The following SLCO1B3 variants were observed in gnomAD, a reference collection of about 807,000 sequenced individuals.
SLCO1B3 encodes liver-specific organic anion transporter 2.
SLCO1B3 carries 72 observed loss-of-function variants against 71.8 expected under a neutral mutation model. The ratio of observed to expected loss-of-function variants is 1.00; its 90% CI spans 0.83 to 1.22. The LOEUF (loss-of-function observed/expected upper bound fraction) is 1.22, where lower values mean the gene tolerates loss of function less well. SLCO1B3 is among the 50% of genes most tolerant of loss of function. The pLI is 0.00. For synonymous variants in SLCO1B3, 298 were observed against 278.4 expected (o/e 1.07, Z -0.70); for missense variants, 911 against 819.7 (o/e 1.11, Z -1.36).
At chr12:20,889,019 C>T (rs1016156506) in intron 13 of SLCO1B3, among the ~76,000 whole-genome samples, 128 of 150,044 alleles carry the variant, frequency 8.5e-4, no homozygotes, top group African/African-American at 3.0e-3. Flanking sequence ...GTTGAACCAT[C>T]CTTGCATTTC....
At chr12:20,880,457 G>A (rs1322175557) in intron 11 of SLCO1B3, among the ~76,000 whole-genome samples, 1 of 151,894 alleles carries the variant, frequency 6.6e-6, no homozygotes, top group East Asian at 1.9e-4. Flanking sequence ...TCAATCTAAT[G>A]CCATTACCTC....
In SLCO1B3 at chr12:20,916,225, A is replaced by G; in HGVS notation, c.2087A>G (p.Gln696Arg). The G allele has an allele frequency of 6.2e-7, 1 of 1,613,028 alleles. No homozygotes were observed. Among genetic ancestry groups the G allele is most frequent in the South Asian group, 1.1e-5 (1 of 91,036 alleles). ...TDSKTCNLDM[Q>R]DNAAAN ...AGTAAAACATGTAATTTGGACATGC[A>G]AGACAATGCTGCTGCCAACTAACAT... The change falls in exon 16 of 16, where the codon CAA (glutamine) becomes CGA (arginine). Residue 696 changes from glutamine (Q) to arginine (R), a missense_variant. Transcript: ENST00000381545.
chr12:20,881,766 C>T (rs1472661783), intron 12 of SLCO1B3, among the ~76,000 whole-genome samples: 4 of 152,078 alleles, frequency 2.6e-5, no homozygotes, highest in Non-Finnish European at 5.9e-5. Context: ...TTCCCCATAC[C>T]TACAATCAAT....
At chr12:20,855,783 T>C (rs1201500281) in intron 4 of SLCO1B3, among the ~76,000 whole-genome samples, 1 of 150,860 alleles carries the variant, frequency 6.6e-6, no homozygotes, top group African/African-American at 2.4e-5. Flanking sequence ...AATAATATAT[T>C]TTCAATATAA....
chr12:20,880,613 A>G (rs997938570), intron 11 of SLCO1B3, among the ~76,000 whole-genome samples: 3 of 152,092 alleles, frequency 2.0e-5, no homozygotes, highest in African/African-American at 7.2e-5. Context: ...GTCATAAGTC[A>G]TGTCTTGGTA....
Position 20,891,361 on chromosome 12 carries a change from G to A in SLCO1B3, c.1683-7075G>A, listed in dbSNP as rs184302589. ...TGATAATAAGACCCTAATTTCTTTT[G>A]GCTTGTAAGATTCCTGCTGAGAAGT... On this transcript the variant is annotated intron_variant, in intron 13 of 15. Coordinates refer to ENST00000381545, the MANE Select transcript of SLCO1B3 (RefSeq NM_019844.4). Among the ~76,000 whole-genome samples, 658 of 151,066 alleles carry A rather than the reference G, an allele frequency of 4.4e-3. 4 individuals carry two copies. Among genetic ancestry groups the A allele is most frequent in the Non-Finnish European group, 6.4e-3 (432 of 67,676 alleles).
At chr12:20,841,075 G>A (rs985001953) in intron 3 of SLCO1B3, among the ~76,000 whole-genome samples, 1 of 152,042 alleles carries the variant, frequency 6.6e-6, no homozygotes, top group African/African-American at 2.4e-5. Context: ...TTCAATTATA[G>A]TACATTTTTT....
chr12:20,916,296 T>C lies in SLCO1B3; in HGVS notation c.*49T>C. ...TTATTTTTGAGGTGTTCCTGGTCTT[T>C]CACTGACAATTCCAACATTCTTTAC... On this transcript the variant is annotated 3_prime_UTR_variant, in exon 16 of 16. Coordinates refer to ENST00000381545, the MANE Select transcript of SLCO1B3 (RefSeq NM_019844.4). 1 of 1,551,284 alleles carries C rather than the reference T, an allele frequency of 6.4e-7. No homozygotes were observed. The highest frequency in any genetic ancestry group is 8.8e-7 in the Non-Finnish European group (1 of 1,136,946).
chr12:20,858,742 C>T (rs899002868), intron 5 of SLCO1B3, 171 bp downstream of exon 5: 9 of 427,738 alleles, frequency 2.1e-5, no homozygotes, highest in Admixed American at 4.1e-5. Context: ...TTGCTTTATT[C>T]ATCATGTATT....
chr12:20,842,502 G>GA (rs11380506), intron 3 of SLCO1B3, among the ~76,000 whole-genome samples: 109,942 of 151,760 alleles, frequency 0.72, 42,363 homozygotes, highest in South Asian at 0.9. Flanking sequence ...ACAGCTACAA[G>GA]TTTTTTTTTA....
rs1355947340 is a variant in SLCO1B3, at chr12:20,860,933, AG to A, written c.360-82del. On this transcript the variant is annotated intron_variant, in intron 5 of 15. Transcript: ENST00000381545. ...TTGGAGAAGACAGCGGTTCAAATAA[AG>A]GAGAAAATTTCTCTGTATTTCTGGG... 2.2e-6 allele frequency: 3 copies of A among 1,346,156 alleles called. No homozygotes were observed. In the African/African-American group the frequency reaches 4.4e-5, roughly 20 times the overall value. The allele number at this position is 1,346,156 out of a possible 1,614,324, so 83.4% of individuals were successfully genotyped here.
At chr12:20,892,888 C>T (rs553902651) in intron 13 of SLCO1B3, among the ~76,000 whole-genome samples, 1 of 152,216 alleles carries the variant, frequency 6.6e-6, no homozygotes, top group South Asian at 2.1e-4. Flanking sequence ...GGATGCAGCT[C>T]TTTGTATATA....
intron 3 of SLCO1B3, among the ~76,000 whole-genome samples, chr12:20,832,995 G>A (rs972068040): frequency 7.2e-5 from 11 of 152,166 alleles, no homozygotes; most frequent in African/African-American, 2.7e-4. Flanking sequence ...ATAAGTGTCA[G>A]TGAACTAAAC....
intron 8 of SLCO1B3, among the ~76,000 whole-genome samples, chr12:20,869,234 G>T (rs977286501): frequency 6.6e-6 from 1 of 152,154 alleles, no homozygotes; most frequent in Non-Finnish European, 1.5e-5. Flanking sequence ...GGCAATGGGC[G>T]TCTTCCCAGA....
intron 8 of SLCO1B3, among the ~76,000 whole-genome samples, chr12:20,872,483 T>C (rs1218294256): frequency 2.0e-5 from 3 of 151,930 alleles, no homozygotes; most frequent in African/African-American, 7.2e-5. Context: ...TTCCACCACT[T>C]CTCTTAAACA....
chr12:20,865,962 T>C (rs1055023463), intron 8 of SLCO1B3, among the ~76,000 whole-genome samples: 1 of 152,030 alleles, frequency 6.6e-6, no homozygotes, highest in Non-Finnish European at 1.5e-5. Flanking sequence ...GTGTTGAGAG[T>C]ATTTATTTAA....
chr12:20,852,738 T>G (rs1865050057), intron 3 of SLCO1B3, among the ~76,000 whole-genome samples: 1 of 152,198 alleles, frequency 6.6e-6, no homozygotes, highest in Non-Finnish European at 1.5e-5. Context: ...GAAATGTTCA[T>G]TGGTAGTGCA....
At chr12:20,851,123 A>G (rs1252817960) in intron 3 of SLCO1B3, among the ~76,000 whole-genome samples, 1 of 152,180 alleles carries the variant, frequency 6.6e-6, no homozygotes, top group East Asian at 1.9e-4. Flanking sequence ...TAATGCTGTG[A>G]TGAACGTGGG....
At chr12:20,850,372 C>T (rs141453351) in intron 3 of SLCO1B3, among the ~76,000 whole-genome samples, 9,290 of 151,402 alleles carry the variant, frequency 0.061, 372 homozygotes, top group East Asian at 0.18. Context: ...CTCTGCCTCC[C>T]GGGATCACGC....
Sources: gnomAD v4.1 joint callset for allele counts (sites outside exome capture counted in the v4.1 genomes callset) on GRCh38, gnomAD v4.1.1 for gene constraint, MANE v1.5 for transcripts, NCBI Gene and HGNC (gene_info 2026-07-23, HGNC 2026-07-21) for gene names.